RHBDL3: variants seen among roughly 807,000 people sequenced by gnomAD.
RHBDL3 encodes rhomboid like 3, also known as rhomboid-related protein 3.
A neutral mutation model predicts 48.2 loss-of-function variants in RHBDL3; 28 were observed. The observed-to-expected ratio is 0.58, with a 90% CI of 0.43 to 0.80. The LOEUF (loss-of-function observed/expected upper bound fraction) is 0.80. RHBDL3 is among the 30% of genes least tolerant of loss of function. The pLI is 0.00. For synonymous variants in RHBDL3, 208 were observed against 232.3 expected, an observed-to-expected ratio of 0.90 and a Z score of 0.95; for missense variants, 464 against 542.7, an observed-to-expected ratio of 0.85 and a Z score of 1.44.
chr17:32,314,668 C>T (rs116580172), intron 7 of RHBDL3, among the ~76,000 whole-genome samples: 5,711 of 152,234 alleles, frequency 0.038, 124 homozygotes, highest in African/African-American at 0.047. Context: ...AGTGGGTGTC[C>T]GCCTTTGGGA....
intron 1 of RHBDL3, among the ~76,000 whole-genome samples, chr17:32,267,311 G>A (rs934176971): frequency 1.3e-5 from 2 of 152,090 alleles, no homozygotes; most frequent in Non-Finnish European, 2.9e-5. Flanking sequence ...AAGAGAATGG[G>A]TGGGCTTCAC....
At chr17:32,305,788 T>G (rs932944918) in intron 7 of RHBDL3, among the ~76,000 whole-genome samples, 4 of 151,400 alleles carry the variant, frequency 2.6e-5, no homozygotes, top group Non-Finnish European at 4.4e-5. Flanking sequence ...CGTGGTGGCA[T>G]GCGCCTGTAG....
chr17:32,282,299 G>A (rs959966689), intron 2 of RHBDL3, among the ~76,000 whole-genome samples: 38 of 152,214 alleles, frequency 2.5e-4, no homozygotes, highest in African/African-American at 8.7e-4. Flanking sequence ...AGGCATGGTA[G>A]CTCATGCCTG....
intron 7 of RHBDL3, among the ~76,000 whole-genome samples, chr17:32,307,394 T>C (rs983465844): frequency 6.6e-6 from 1 of 152,202 alleles, no homozygotes; most frequent in Non-Finnish European, 1.5e-5. Flanking sequence ...GCACAGGGCT[T>C]GGCGTTCCTG....
chr17:32,294,732 A>T (rs1227169301), intron 5 of RHBDL3, among the ~76,000 whole-genome samples: 1 of 152,164 alleles, frequency 6.6e-6, no homozygotes, highest in African/African-American at 2.4e-5. Flanking sequence ...TTGAAAATTT[A>T]TTCTAGTGCT....
chr17:32,266,370 C>T (rs2039630554), intron 1 of RHBDL3, 70 bp downstream of exon 1: 5 of 813,770 alleles, frequency 6.1e-6, no homozygotes, highest in Non-Finnish European at 8.8e-6. Context: ...CCTGTCTCGC[C>T]CCACGCCGGG....
intron 2 of RHBDL3, among the ~76,000 whole-genome samples, chr17:32,281,475 A>C (rs1305156608): frequency 6.6e-6 from 1 of 151,850 alleles, no homozygotes; most frequent in Non-Finnish European, 1.5e-5. Context: ...GCCGCAGACC[A>C]ATGGCCCTCC....
chr17:32,317,395 T>A (rs2041001965), intron 8 of RHBDL3, among the ~76,000 whole-genome samples: 1 of 152,102 alleles, frequency 6.6e-6, no homozygotes, highest in Non-Finnish European at 1.5e-5. Context: ...TTTTAGCAGG[T>A]TCGCAAACTG....
At position 32,321,271 on chromosome 17, in the gene RHBDL3, A is replaced by G. The variant is rs1353284017; in HGVS notation, c.*42A>G. ...GTCGGGGAGGGGAGGGAAAAGCAGC[A>G]CCCACAGGGAGCGCCTGCGAGGTTT... On this transcript the variant is annotated 3_prime_UTR_variant, in exon 9 of 9. Coordinates refer to ENST00000269051, the MANE Select transcript of RHBDL3 (RefSeq NM_138328.3). 1.2e-6 allele frequency: 2 copies of G among 1,613,154 alleles called. No homozygotes were observed. The highest frequency in any genetic ancestry group is 8.5e-7 in the Non-Finnish European group (1 of 1,179,876).
Position 32,323,215 on chromosome 17 carries a change from G to C in RHBDL3, c.*1986G>C, listed in dbSNP as rs915317664. Reference sequence around the variant, plus strand: ...TGCCATGCTGAGGGCCGCAGCCTGTGGCACTGTGGGCCCACGCCTTTGGCG... The same window carrying C: ...TGCCATGCTGAGGGCCGCAGCCTGTCGCACTGTGGGCCCACGCCTTTGGCG... On this transcript the variant is annotated 3_prime_UTR_variant, in exon 9 of 9. Coordinates refer to ENST00000269051, the MANE Select transcript of RHBDL3 (RefSeq NM_138328.3). 6.6e-6 allele frequency: 1 copy of C among 152,484 alleles called. No individual in the cohort carries two copies. Among genetic ancestry groups the C allele is most frequent in the Admixed American group, 6.5e-5 (1 of 15,294 alleles). The allele number at this position is 152,484 out of a possible 1,614,324, so 9.4% of individuals were successfully genotyped here.
intron 6 of RHBDL3, among the ~76,000 whole-genome samples, chr17:32,299,037 T>G (rs2040520517): frequency 7.0e-6 from 1 of 141,892 alleles, no homozygotes; most frequent in African/African-American, 2.7e-5. Flanking sequence ...TCCAACTTTA[T>G]TGCCGGCTGT....
intron 5 of RHBDL3, among the ~76,000 whole-genome samples, chr17:32,296,252 A>G (rs142596197): frequency 0.09 from 13,429 of 149,430 alleles, 2,056 homozygotes; most frequent in African/African-American, 0.31. Flanking sequence ...CAAAAAAAAA[A>G]AAAAAAGAAA....
In RHBDL3 at chr17:32,316,264, G is replaced by A; in HGVS notation, c.915G>A (p.Leu305=). ...NWSGMKCQFK[L]LRMAVALICM... is the part of the protein sequence containing the mutation. ...CAGGCATGAAGTGCCAGTTCAAGCTGCTGCGGATGGCTGTGGCCCTTATCT... is the reference window on the plus strand; with the variant it reads ...CAGGCATGAAGTGCCAGTTCAAGCTACTGCGGATGGCTGTGGCCCTTATCT... Residue 305 remains leucine, a synonymous_variant, in exon 8 of 9, where the codon CTG becomes CTA. Coordinates refer to ENST00000269051, the MANE Select transcript of RHBDL3 (RefSeq NM_138328.3). The A allele has an allele frequency of 1.2e-6, 2 of 1,613,918 alleles. No individual in the cohort carries two copies. Among genetic ancestry groups the A allele is most frequent in the Non-Finnish European group, 8.5e-7 (1 of 1,179,820 alleles).
chr17:32,305,147 AAGGAAGGG>A (rs1475886069), intron 6 of RHBDL3, among the ~76,000 whole-genome samples, 186 bp from the exon 7 acceptor site: 1 of 137,926 alleles, frequency 7.3e-6, no homozygotes, highest in Non-Finnish European at 1.6e-5. Flanking sequence ...AAAGGAAAGG[AAGGAAGGG>A]AGGGAGGGAG....
At chr17:32,290,140 C>T (rs1025156332) in intron 4 of RHBDL3, among the ~76,000 whole-genome samples, 22 of 152,194 alleles carry the variant, frequency 1.4e-4, no homozygotes, top group African/African-American at 5.3e-4. Flanking sequence ...CAGAACGGCT[C>T]CTCAGAGAGC....
chr17:32,316,225 T>C lies in RHBDL3; in HGVS notation c.883-7T>C. On this transcript the variant is annotated splice_region_variant and splice_polypyrimidine_tract_variant and intron_variant, in intron 7 of 8. Coordinates refer to ENST00000269051, the MANE Select transcript of RHBDL3 (RefSeq NM_138328.3). ...CTGGAACTGACTGAGCTCTCCTTTT[T>C]CCCTAGAACTGGTCAGGCATGAAGT... is the stretch of plus-strand genomic sequence containing the variant. 5 of 1,611,492 alleles carry C rather than the reference T, an allele frequency of 3.1e-6. No individual in the cohort carries two copies. Among genetic ancestry groups the C allele is most frequent in the Non-Finnish European group, 4.2e-6 (5 of 1,177,734 alleles).
Position 32,321,574 on chromosome 17 carries a change from G to T in RHBDL3, c.*345G>T. On this transcript the variant is annotated 3_prime_UTR_variant, in exon 9 of 9. Coordinates refer to ENST00000269051, the MANE Select transcript of RHBDL3 (RefSeq NM_138328.3). ...CCCCCTCACTGCTGCGGATTGAGCA[G>T]CAGCTTCTTCCTCCTCCTCTACCCT... 6.8e-6 allele frequency: 3 copies of T among 439,736 alleles called. No homozygotes were observed. The highest frequency in any genetic ancestry group is 1.3e-5 in the Non-Finnish European group (3 of 236,602). 27.2% of individuals were successfully genotyped at this position (439,736 alleles called of 1,614,324 possible). A position where few individuals can be genotyped will look rare whatever the true frequency, so the allele number is the denominator to read the frequency against.
intron 7 of RHBDL3, among the ~76,000 whole-genome samples, chr17:32,306,783 C>T (rs2040720913): frequency 6.6e-6 from 1 of 151,944 alleles, no homozygotes; most frequent in Non-Finnish European, 1.5e-5. Context: ...TAGCTGGGCA[C>T]GGTGGTGCAT....
intron 7 of RHBDL3, among the ~76,000 whole-genome samples, chr17:32,311,415 A>T (rs956413201): frequency 2.0e-5 from 3 of 152,152 alleles, no homozygotes; most frequent in Non-Finnish European, 2.9e-5. Context: ...GAGGCAGGTC[A>T]TATTTACTGG....
Sources: gnomAD v4.1 joint callset for allele counts (sites outside exome capture counted in the v4.1 genomes callset) on GRCh38, gnomAD v4.1.1 for gene constraint, MANE v1.5 for transcripts, NCBI Gene and HGNC (gene_info 2026-07-23, HGNC 2026-07-21) for gene names.